The following NAV3 variants were observed in gnomAD, a reference collection of about 807,000 sequenced individuals.
NAV3 encodes the protein pore membrane and/or filament interacting like protein 1.
Under a neutral mutation model 244.7 loss-of-function variants are expected in NAV3, and 87 were observed. The observed-to-expected ratio is 0.36, with a 90% CI of 0.30 to 0.42. NAV3 has a LOEUF of 0.42. Among genes scored for constraint, NAV3 ranks in the 20% least tolerant of loss-of-function variants. The pLI is 1.00. For synonymous variants in NAV3, 1,126 were observed against 1,042.2 expected (o/e 1.08, Z -1.55); for missense variants, 2,663 against 2,893.3 (o/e 0.92, Z 1.83).
intron 1 of NAV3, among the ~76,000 whole-genome samples, chr12:77,910,327 G>T (rs999623858): frequency 6.6e-6 from 1 of 151,722 alleles, no homozygotes; most frequent in Non-Finnish European, 1.5e-5. Flanking sequence ...GAGGGGAGGA[G>T]GTGTCAGACT....
chr12:77,867,999 A>T (rs1363368554), intron 1 of NAV3, among the ~76,000 whole-genome samples: 1 of 152,192 alleles, frequency 6.6e-6, no homozygotes, highest in Non-Finnish European at 1.5e-5. Flanking sequence ...TCTCAGGCAC[A>T]TGGTCTGAAT....
At chr12:78,199,927 AGTGTTTT>A in intron 37 of NAV3, among the ~76,000 whole-genome samples, 1 of 152,244 alleles carries the variant, frequency 6.6e-6, no homozygotes, top group African/African-American at 2.4e-5. Flanking sequence ...AGATAATTTA[AGTGTTTT>A]GTGTTTTTCA....
chr12:77,798,049 C>A (rs1397297892), intron 2 of NAV3, among the ~76,000 whole-genome samples: 1 of 151,690 alleles, frequency 6.6e-6, no homozygotes, highest in Non-Finnish European at 1.5e-5. Flanking sequence ...GTAATCCCAG[C>A]TACTAGGGAA....
At chr12:77,800,993 C>T (rs1017680754) in intron 2 of NAV3, among the ~76,000 whole-genome samples, 5 of 152,044 alleles carry the variant, frequency 3.3e-5, no homozygotes, top group Non-Finnish European at 4.4e-5. Context: ...ACCATATTTT[C>T]TCCTAGAACT....
chr12:78,148,452 T>TA (rs1956949328), intron 21 of NAV3, among the ~76,000 whole-genome samples: 1 of 152,050 alleles, frequency 6.6e-6, no homozygotes. Flanking sequence ...TATCTTTTAC[T>TA]AAAAAAGAAC....
At chr12:77,926,097 G>T (rs940721870) in intron 1 of NAV3, among the ~76,000 whole-genome samples, 1 of 152,138 alleles carries the variant, frequency 6.6e-6, no homozygotes, top group Non-Finnish European at 1.5e-5. Context: ...CCTGTGCACT[G>T]CATTTTTATT....
At chr12:78,109,149 G>T (rs185637190) in intron 12 of NAV3, among the ~76,000 whole-genome samples, 19 of 152,098 alleles carry the variant, frequency 1.2e-4, no homozygotes, top group African/African-American at 4.1e-4. Context: ...AAATAAAAAG[G>T]ATCATCAGAG....
At chr12:77,817,253 A>C (rs1872561178) in intron 2 of NAV3, among the ~76,000 whole-genome samples, 1 of 152,198 alleles carries the variant, frequency 6.6e-6, no homozygotes, top group Admixed American at 6.5e-5. Context: ...TTTAAGGCTT[A>C]TCTAAATGGA....
In NAV3 at chr12:77,728,810, G is replaced by A. The variant is rs1446475069; in HGVS notation, c.72+156544G>A. Among the ~76,000 whole-genome samples the A allele has an allele frequency of 5.3e-5, 8 of 151,686 alleles. No homozygotes were observed. The East Asian group carries it at 1.6e-3, about 30-fold the overall frequency. ...TATACCTAGATCTTTTTCAACAAAA[G>A]TTATACCAAGTGTACCTGCCTCTTC... On this transcript the variant is annotated intron_variant, in intron 2 of 8. Transcript: ENST00000550042.
In NAV3 at chr12:77,882,555, G is replaced by A. The variant is rs145397147; in HGVS notation, c.243+50851G>A. Among the ~76,000 whole-genome samples the A allele has an allele frequency of 3.2e-3, 487 of 152,088 alleles. 3 individuals carry two copies. The highest frequency in any genetic ancestry group is 0.011 in the African/African-American group (443 of 41,510). Reference sequence around the variant, plus strand: ...TCTGGCTAAGTCCCCAAAAGCAATCGCAATAAAAACAAAAATTGACAAGTT... The same window carrying A: ...TCTGGCTAAGTCCCCAAAAGCAATCACAATAAAAACAAAAATTGACAAGTT... On this transcript the variant is annotated intron_variant, in intron 1 of 39. Transcript: ENST00000397909.
intron 2 of NAV3, among the ~76,000 whole-genome samples, chr12:77,762,344 G>A (rs1408589211): frequency 1.3e-5 from 2 of 152,048 alleles, no homozygotes; most frequent in Admixed American, 1.3e-4. Context: ...AGGTGGATGG[G>A]TGCAGCAAAC....
intron 8 of NAV3, among the ~76,000 whole-genome samples, chr12:78,009,860 C>T (rs1269408039): frequency 1.3e-5 from 2 of 152,120 alleles, no homozygotes; most frequent in East Asian, 3.9e-4. Context: ...AGATTTTGAG[C>T]AAATTACATG....
chr12:77,897,655 A>C (rs1409795015), intron 1 of NAV3, among the ~76,000 whole-genome samples: 1 of 148,582 alleles, frequency 6.7e-6, no homozygotes, highest in East Asian at 2.0e-4. Flanking sequence ...TTGTACCTAT[A>C]GTCTCTATTG....
chr12:78,107,893 G>A (rs1025771313), intron 12 of NAV3, among the ~76,000 whole-genome samples: 2 of 151,752 alleles, frequency 1.3e-5, no homozygotes, highest in Non-Finnish European at 2.9e-5. Context: ...CAAACAATAA[G>A]GGAAAAAGAA....
At chr12:77,780,139 C>G (rs878996161) in intron 2 of NAV3, among the ~76,000 whole-genome samples, 1 of 152,064 alleles carries the variant, frequency 6.6e-6, no homozygotes, top group Non-Finnish European at 1.5e-5. Flanking sequence ...GGAAGTGGAG[C>G]GAGGCGCACG....
At chr12:78,144,753 A>T (rs1956781752) in intron 20 of NAV3, among the ~76,000 whole-genome samples, 1 of 151,570 alleles carries the variant, frequency 6.6e-6, no homozygotes, top group South Asian at 2.1e-4. Context: ...TTATTTATTG[A>T]TTCTTGAATC....
At chr12:77,647,329 C>T (rs1872646823) in intron 2 of NAV3, among the ~76,000 whole-genome samples, 1 of 152,056 alleles carries the variant, frequency 6.6e-6, no homozygotes, top group Non-Finnish European at 1.5e-5. Context: ...ACTTTAAACG[C>T]CTTAGCTGGT....
chr12:77,733,201 G>A (rs1434919168), intron 2 of NAV3, among the ~76,000 whole-genome samples: 2 of 152,058 alleles, frequency 1.3e-5, no homozygotes, highest in African/African-American at 2.4e-5. Flanking sequence ...CAGAGAGGAG[G>A]GAACAAATAT....
chr12:77,678,579 C>A (rs187691484), intron 2 of NAV3, among the ~76,000 whole-genome samples: 1 of 152,130 alleles, frequency 6.6e-6, no homozygotes, highest in Non-Finnish European at 1.5e-5. Flanking sequence ...CAACTTTCTG[C>A]GGAATGCTAG....
Sources: gnomAD v4.1 joint callset for allele counts (sites outside exome capture counted in the v4.1 genomes callset) on GRCh38, gnomAD v4.1.1 for gene constraint, MANE v1.5 for transcripts, NCBI Gene and HGNC (gene_info 2026-07-23, HGNC 2026-07-21) for gene names.